CNBD1: variants seen among roughly 807,000 people sequenced by gnomAD.
CNBD1 encodes the protein cyclic nucleotide-binding domain-containing protein 1.
Under a neutral mutation model 54.4 loss-of-function variants are expected in CNBD1, and 71 were observed. That is an observed-to-expected ratio of 1.30 (90% CI 1.08 to 1.59). CNBD1 has a LOEUF of 1.59. Among genes scored for constraint, CNBD1 ranks in the 40% most tolerant of loss-of-function variants. The pLI, the probability that CNBD1 is intolerant of heterozygous loss-of-function variation, is 0.00. For synonymous variants in CNBD1, 182 were observed against 170.7 expected, an observed-to-expected ratio of 1.07 and a Z score of -0.51; for missense variants, 659 against 518.0, an observed-to-expected ratio of 1.27 and a Z score of -2.64.
intron 1 of CNBD1, among the ~76,000 whole-genome samples, chr8:86,867,491 T>C (rs1563804408): frequency 1.3e-5 from 2 of 152,172 alleles, no homozygotes; most frequent in Non-Finnish European, 2.9e-5. Flanking sequence ...AGTCTCCAGG[T>C]TAAAAGGTAT....
chr8:87,133,556 G>T (rs1016024323), intron 4 of CNBD1, among the ~76,000 whole-genome samples: 1 of 152,118 alleles, frequency 6.6e-6, no homozygotes, highest in Non-Finnish European at 1.5e-5. Context: ...CTCCTGGGTT[G>T]TTCCCTTCAC....
chr8:86,869,260 A>C (rs557910538), intron 1 of CNBD1, among the ~76,000 whole-genome samples: 1 of 152,312 alleles, frequency 6.6e-6, no homozygotes, highest in East Asian at 1.9e-4. Context: ...CTTAAGGATA[A>C]TAAGGCTTAG....
chr8:87,230,649 G>C (rs1041544650), intron 5 of CNBD1, among the ~76,000 whole-genome samples: 2 of 152,074 alleles, frequency 1.3e-5, no homozygotes, highest in Non-Finnish European at 2.9e-5. Context: ...CTGGGTTATT[G>C]GAATAATTAG....
intron 3 of CNBD1, among the ~76,000 whole-genome samples, chr8:86,920,658 G>T (rs1809256240): frequency 6.6e-6 from 1 of 152,178 alleles, no homozygotes; most frequent in Admixed American, 6.5e-5. Flanking sequence ...TCAGAAGTCT[G>T]TATGCTCAGT....
chr8:86,986,012 C>T (rs780047392), intron 4 of CNBD1, among the ~76,000 whole-genome samples: 1 of 151,996 alleles, frequency 6.6e-6, no homozygotes, highest in Admixed American at 6.6e-5. Flanking sequence ...CTCACCGCAA[C>T]CTCTACCTCC....
chr8:87,105,292 A>C (rs1377368611), intron 4 of CNBD1, among the ~76,000 whole-genome samples: 1 of 152,214 alleles, frequency 6.6e-6, no homozygotes, highest in Non-Finnish European at 1.5e-5. Context: ...ACTATTTCAA[A>C]TAGTCATGTG....
chr8:87,147,771 C>T (rs1812520679), intron 4 of CNBD1, among the ~76,000 whole-genome samples: 2 of 151,820 alleles, frequency 1.3e-5, no homozygotes, highest in Non-Finnish European at 2.9e-5. Context: ...GCACCCTAGC[C>T]CAAAAAAAGG....
At chr8:86,952,497 TTTA>T (rs1321814356) in intron 4 of CNBD1, among the ~76,000 whole-genome samples, 5 of 151,984 alleles carry the variant, frequency 3.3e-5, no homozygotes, top group Middle Eastern at 3.2e-3. Context: ...AGAAAAATAT[TTTA>T]CCTAATATAT....
Position 87,425,528 on chromosome 8 carries a change from C to T in CNBD1, c.214-3018C>T, listed in dbSNP as rs1808030320. Among the ~76,000 whole-genome samples, 5 of 152,048 alleles carry T rather than the reference C, an allele frequency of 3.3e-5. No homozygotes were observed. In the South Asian group the frequency reaches 1.0e-3, roughly 32 times the overall value. On this transcript the variant is annotated intron_variant, in intron 2 of 7. Transcript: ENST00000521593. ...GATGTCCTTTCTGTTTGTTAGTTTTCCTTCTAACACACAGGACCCTCAGCT... is the reference window on the plus strand; with the variant it reads ...GATGTCCTTTCTGTTTGTTAGTTTTTCTTCTAACACACAGGACCCTCAGCT...
intron 4 of CNBD1, among the ~76,000 whole-genome samples, chr8:87,078,515 C>T (rs1229498620): frequency 2.0e-5 from 3 of 152,170 alleles, no homozygotes; most frequent in East Asian, 1.9e-4. Context: ...GTCTCCTCTA[C>T]AAAAATAAAC....
intron 5 of CNBD1, among the ~76,000 whole-genome samples, chr8:87,230,018 C>T (rs954096105): frequency 6.6e-6 from 1 of 151,968 alleles, no homozygotes; most frequent in Non-Finnish European, 1.5e-5. Context: ...AGCCATGATG[C>T]TGGCATCTGC....
chr8:87,272,867 C>T (rs1241851870), intron 6 of CNBD1, among the ~76,000 whole-genome samples: 3 of 151,894 alleles, frequency 2.0e-5, no homozygotes, highest in Non-Finnish European at 4.4e-5. Flanking sequence ...TCACTAACAA[C>T]TTCTTTAATT....
chr8:87,396,164 A>G (rs534732029), intron 2 of CNBD1, among the ~76,000 whole-genome samples: 163 of 152,074 alleles, frequency 1.1e-3, no homozygotes, highest in Non-Finnish European at 2.0e-3. Context: ...AAGTTTGAAT[A>G]TAGCCCTTTA....
chr8:87,313,244 T>G (rs1809307275), intron 8 of CNBD1, among the ~76,000 whole-genome samples: 1 of 152,056 alleles, frequency 6.6e-6, no homozygotes. Context: ...AAACGTTGTT[T>G]TAGAAAGAAT....
At chr8:86,996,124 T>C (rs957701167) in intron 4 of CNBD1, among the ~76,000 whole-genome samples, 16 of 152,184 alleles carry the variant, frequency 1.1e-4, no homozygotes, top group Non-Finnish European at 2.9e-5. Flanking sequence ...TTCTCCTGTT[T>C]ATTATTTTAT....
chr8:87,336,505 A>G (rs1809947609), intron 8 of CNBD1, among the ~76,000 whole-genome samples: 2 of 151,786 alleles, frequency 1.3e-5, no homozygotes, highest in African/African-American at 2.4e-5. Context: ...ATCCTTGTGT[A>G]TGCTTCATGA....
chr8:87,146,100 C>A (rs1050321952), intron 4 of CNBD1, among the ~76,000 whole-genome samples: 3 of 152,052 alleles, frequency 2.0e-5, no homozygotes, highest in African/African-American at 7.2e-5. Context: ...TGTTTAGATT[C>A]TACGTTGCTA....
intron 1 of CNBD1, among the ~76,000 whole-genome samples, chr8:86,874,986 TTATATATATATA>T (rs10584669): frequency 0.41 from 49,216 of 120,156 alleles, 10,658 homozygotes; most frequent in South Asian, 0.56. Context: ...GTAAATCAAT[TTATATATATATA>T]TATATATATA....
At chr8:87,231,194 A>G (rs965735645) in intron 5 of CNBD1, among the ~76,000 whole-genome samples, 1 of 152,110 alleles carries the variant, frequency 6.6e-6, no homozygotes, top group Admixed American at 6.6e-5. Context: ...GCAGACATAT[A>G]TTTACTTTTA....
Sources: allele counts gnomAD v4.1 joint callset (sites outside exome capture counted in the v4.1 genomes callset), GRCh38; gene constraint gnomAD v4.1.1; transcripts MANE v1.5; gene names NCBI Gene and HGNC (gene_info 2026-07-23, HGNC 2026-07-21).